The following SYT16 variants were observed in gnomAD, a reference collection of about 807,000 sequenced individuals.
SYT16 encodes synaptotagmin-16.
In SYT16, 42 loss-of-function variants were observed where a neutral mutation model predicts 61.4. That is an observed-to-expected ratio of 0.68 (90% CI 0.53 to 0.89). SYT16 has a LOEUF of 0.89. Ranked by LOEUF, SYT16 falls within the 40% of genes least tolerant of loss-of-function variation. The pLI is 0.00. For synonymous variants in SYT16, 314 were observed against 302.3 expected (o/e 1.04, Z -0.40); for missense variants, 804 against 807.3 (o/e 1.00, Z 0.05).
chr14:62,020,623 C>T (rs1438664585), intron 3 of SYT16, among the ~76,000 whole-genome samples: 4 of 152,196 alleles, frequency 2.6e-5, no homozygotes, highest in African/African-American at 9.7e-5. Context: ...CTCTCCAATT[C>T]GTTTTCACCA....
chr14:61,816,936 G>A (rs2045451734), intron 1 of SYT16, among the ~76,000 whole-genome samples: 2 of 150,090 alleles, frequency 1.3e-5, no homozygotes, highest in Non-Finnish European at 3.0e-5. Context: ...GCGTGAACCC[G>A]GAAGGTGGAG....
At chr14:61,931,515 C>G (rs2049766696) in intron 1 of SYT16, among the ~76,000 whole-genome samples, 1 of 152,044 alleles carries the variant, frequency 6.6e-6, no homozygotes, top group Non-Finnish European at 1.5e-5. Flanking sequence ...ATTCATATGC[C>G]TACATCTGTA....
chr14:61,830,980 T>G (rs2045919887), intron 1 of SYT16, among the ~76,000 whole-genome samples: 1 of 152,128 alleles, frequency 6.6e-6, no homozygotes, highest in African/African-American at 2.4e-5. Context: ...ATACAATGAG[T>G]ATATTCACAA....
intron 1 of SYT16, among the ~76,000 whole-genome samples, chr14:61,949,691 G>C (rs2050592388): frequency 6.6e-6 from 1 of 152,116 alleles, no homozygotes; most frequent in African/African-American, 2.4e-5. Context: ...TATTGGATGC[G>C]GCAATAGGTG....
At chr14:61,939,886 C>A (rs1463287402) in intron 1 of SYT16, among the ~76,000 whole-genome samples, 1 of 152,192 alleles carries the variant, frequency 6.6e-6, no homozygotes, top group African/African-American at 2.4e-5. Context: ...GGGTCACCTC[C>A]ACAGAGAAAG....
chr14:62,058,153 C>T (rs2055650106), intron 3 of SYT16, among the ~76,000 whole-genome samples: 1 of 151,934 alleles, frequency 6.6e-6, no homozygotes, highest in African/African-American at 2.4e-5. Flanking sequence ...TATTTATATA[C>T]CACAATTTGT....
chr14:61,897,505 C>CATA (rs2048366209), intron 1 of SYT16: 1 of 152,154 alleles, frequency 6.6e-6, no homozygotes, highest in Admixed American at 6.5e-5. Flanking sequence ...ATGCCACCTG[C>CATA]ATAACCTGAT....
At chr14:62,005,310 C>G (rs1251291069) in intron 3 of SYT16, among the ~76,000 whole-genome samples, 1 of 152,038 alleles carries the variant, frequency 6.6e-6, no homozygotes, top group Non-Finnish European at 1.5e-5. Context: ...TTGTTTTGGT[C>G]GGTGTACATT....
Position 61,834,425 on chromosome 14 carries a change from T to A in SYT16, c.-325+21615T>A, listed in dbSNP as rs537668152. ...GATTACAGGCATGAGCCACCGTGCC[T>A]GGCTTTTTTTTTTTTTTTTTTTTTT... On this transcript the variant is annotated intron_variant, in intron 1 of 7. Transcript: ENST00000683842. Among the ~76,000 whole-genome samples the A allele has an allele frequency of 1.8e-3, 258 of 139,996 alleles. 1 individual carries two copies. The highest frequency in any genetic ancestry group is 7.1e-3 in the African/African-American group (249 of 34,842). 91.8% of individuals were successfully genotyped at this position (139,996 alleles called of 152,430 possible). A position where few individuals can be genotyped will look rare whatever the true frequency, so the allele number is the denominator to read the frequency against.
intron 3 of SYT16, among the ~76,000 whole-genome samples, chr14:62,055,759 A>G (rs2055526102): frequency 6.6e-6 from 1 of 152,214 alleles, no homozygotes; most frequent in South Asian, 2.1e-4. Context: ...AACAAAGCTA[A>G]TAGGATGGAT....
chr14:62,084,167 A>G (rs774101348), intron 6 of SYT16, 29 bp from the exon 7 acceptor site: 8 of 1,607,064 alleles, frequency 5.0e-6, no homozygotes, highest in Non-Finnish European at 4.2e-6. Context: ...GCGTGGGCCA[A>G]TGGATTCTTT....
Position 61,855,210 on chromosome 14 carries a change from C to T in SYT16, c.-325+42400C>T, listed in dbSNP as rs558487565. Among the ~76,000 whole-genome samples the T allele has an allele frequency of 1.3e-4, 20 of 152,078 alleles. 1 individual carries two copies. The highest frequency in any genetic ancestry group is 2.2e-4 in the Non-Finnish European group (15 of 68,014). On this transcript the variant is annotated intron_variant, in intron 1 of 7. Transcript: ENST00000683842. ...GAATCTATTTAATGCTATCTGAGTC[C>T]AAGTTAATTTCCTAAGGAAGGTAAG... is the stretch of plus-strand genomic sequence containing the variant.
chr14:62,029,011 A>G (rs1042614416), intron 3 of SYT16, among the ~76,000 whole-genome samples: 9 of 152,230 alleles, frequency 5.9e-5, no homozygotes, highest in Non-Finnish European at 4.4e-5. Context: ...TAGCTATCCT[A>G]TCCCTCAGTG....
Position 61,970,255 on chromosome 14 carries a change from A to G in SYT16, c.-201A>G, listed in dbSNP as rs1389188193. The G allele has an allele frequency of 6.6e-6, 1 of 152,108 alleles. No homozygotes were observed. The allele number at this position is 152,108 out of a possible 1,614,324, so 9.4% of individuals were successfully genotyped here. ...ACGATAGGAGGCCTTCCTTTCCTGG[A>G]GCATCGAGGGAAAAGAAAGCATTCT... On this transcript the variant is annotated 5_prime_UTR_variant, in exon 2 of 8. Transcript: ENST00000683842.
At chr14:61,934,224 G>T (rs376515580) in intron 1 of SYT16, among the ~76,000 whole-genome samples, 1 of 151,892 alleles carries the variant, frequency 6.6e-6, no homozygotes, top group Non-Finnish European at 1.5e-5. Context: ...CTTTCATTTT[G>T]ACATTTAGTT....
At chr14:61,984,160 AC>A in intron 2 of SYT16, among the ~76,000 whole-genome samples, 1 of 152,260 alleles carries the variant, frequency 6.6e-6, no homozygotes, top group East Asian at 1.9e-4. Flanking sequence ...AAATGCCTCC[AC>A]CCCTTCTGCC....
rs893330457 is a variant in SYT16, at chr14:62,057,748, T to C, written c.524-11855T>C. ...AAAGAGGTAAGGCTGCTATAAGATATAGATTTCTTTTAAGCTACTTAAAAA... is the reference window on the plus strand; with the variant it reads ...AAAGAGGTAAGGCTGCTATAAGATACAGATTTCTTTTAAGCTACTTAAAAA... On this transcript the variant is annotated intron_variant, in intron 3 of 7. Coordinates refer to ENST00000683842, the MANE Select transcript of SYT16 (RefSeq NM_001367656.1). 1.3e-5 allele frequency among the ~76,000 whole-genome samples: 2 copies of C among 152,180 alleles called. 1 individual carries two copies. The highest frequency in any genetic ancestry group is 4.8e-5 in the African/African-American group (2 of 41,440).
intron 1 of SYT16, among the ~76,000 whole-genome samples, chr14:61,874,981 G>T (rs1450715895): frequency 1.3e-5 from 2 of 152,118 alleles, no homozygotes; most frequent in African/African-American, 2.4e-5. Flanking sequence ...TTATTCTGGG[G>T]ACATTGGAAT....
chr14:61,960,724 C>T (rs939556014), intron 1 of SYT16, among the ~76,000 whole-genome samples: 5 of 152,132 alleles, frequency 3.3e-5, no homozygotes, highest in African/African-American at 1.2e-4. Flanking sequence ...CTGGCCATGA[C>T]TGCCGTACTA....
Sources: allele counts gnomAD v4.1 joint callset (sites outside exome capture counted in the v4.1 genomes callset), GRCh38; gene constraint gnomAD v4.1.1; transcripts MANE v1.5; gene names NCBI Gene and HGNC (gene_info 2026-07-23, HGNC 2026-07-21).